Variants in AKAP6 observed in about 807,000 individuals in gnomAD.
AKAP6 encodes the protein A-kinase anchoring protein 6, also known as A-kinase anchor protein 6.
Under a neutral mutation model 188.5 loss-of-function variants are expected in AKAP6, and 58 were observed. The observed-to-expected ratio is 0.31, with a 90% confidence interval of 0.25 to 0.38. AKAP6 has a LOEUF of 0.38. Ranked by LOEUF, AKAP6 falls within the 10% of genes least tolerant of loss-of-function variation. The pLI, the probability that AKAP6 is intolerant of heterozygous loss-of-function variation, is 1.00. For synonymous variants in AKAP6, 989 were observed against 998.6 expected, an observed-to-expected ratio of 0.99 and a Z score of 0.18; for missense variants, 2,710 against 2,740.0, an observed-to-expected ratio of 0.99 and a Z score of 0.24.
At chr14:32,594,574 A>G (rs138649602) in intron 5 of AKAP6, among the ~76,000 whole-genome samples, 556 of 152,266 alleles carry the variant, frequency 3.7e-3, no homozygotes, top group African/African-American at 0.012. Context: ...CATTGTGGAG[A>G]GGAGAAGAGA....
intron 6 of AKAP6, among the ~76,000 whole-genome samples, chr14:32,600,363 T>A (rs560006537): frequency 6.6e-6 from 1 of 152,310 alleles, no homozygotes; most frequent in East Asian, 1.9e-4. Flanking sequence ...TTGTTCCTCA[T>A]GTATTTTTTT....
chr14:32,798,357 A>C (rs2140079203), intron 12 of AKAP6, among the ~76,000 whole-genome samples: 1 of 152,250 alleles, frequency 6.6e-6, no homozygotes, highest in Admixed American at 6.5e-5. Flanking sequence ...AGAACTTAAA[A>C]CCATTTGACC....
At chr14:32,661,505 CAG>C (rs1444444497) in intron 7 of AKAP6, among the ~76,000 whole-genome samples, 1 of 152,068 alleles carries the variant, frequency 6.6e-6, no homozygotes, top group Non-Finnish European at 1.5e-5. Context: ...GCAGTGGGAG[CAG>C]AGAGTTTCGA....
At chr14:32,742,089 G>C (rs1387044612) in intron 11 of AKAP6, among the ~76,000 whole-genome samples, 2 of 151,568 alleles carry the variant, frequency 1.3e-5, no homozygotes, top group Non-Finnish European at 2.9e-5. Flanking sequence ...ATTTCTTCCT[G>C]GTTCAATCTT....
At chr14:32,773,956 C>G (rs529375873) in intron 12 of AKAP6, 63 bp downstream of exon 12, 6 of 1,525,578 alleles carry the variant, frequency 3.9e-6, no homozygotes, top group Non-Finnish European at 5.4e-6. Context: ...ATAATTCTTT[C>G]AGGCTTGGAA....
At chr14:32,415,143 A>T (rs144601949) in intron 1 of AKAP6, among the ~76,000 whole-genome samples, 187 of 152,288 alleles carry the variant, frequency 1.2e-3, no homozygotes, top group African/African-American at 4.4e-3. Context: ...ATTCTTTGGG[A>T]GATATTGCAT....
At chr14:32,537,325 C>T (rs561251413) in intron 3 of AKAP6, among the ~76,000 whole-genome samples, 92 of 152,196 alleles carry the variant, frequency 6.0e-4, no homozygotes, top group African/African-American at 2.2e-3. Flanking sequence ...ATGTGAGTTG[C>T]GTGTTAGTTC....
At chr14:32,692,168 T>C (rs1890209424) in intron 8 of AKAP6, among the ~76,000 whole-genome samples, 1 of 152,142 alleles carries the variant, frequency 6.6e-6, no homozygotes, top group Admixed American at 6.5e-5. Flanking sequence ...GTATCTGTAT[T>C]AGGTTCATTT....
At chr14:32,810,857 C>T (rs1197008792) in intron 12 of AKAP6, among the ~76,000 whole-genome samples, 4 of 151,992 alleles carry the variant, frequency 2.6e-5, no homozygotes, top group Non-Finnish European at 5.9e-5. Flanking sequence ...CATAGCTGAC[C>T]CACCTATTAA....
intron 1 of AKAP6, among the ~76,000 whole-genome samples, chr14:32,368,879 G>GA (rs932722813): frequency 3.5e-5 from 5 of 142,126 alleles, no homozygotes; most frequent in African/African-American, 1.1e-4. Flanking sequence ...TTAAGAAGAA[G>GA]AAAAAAAAAA....
At chr14:32,647,373 T>C (rs1888027271) in intron 7 of AKAP6, among the ~76,000 whole-genome samples, 1 of 152,094 alleles carries the variant, frequency 6.6e-6, no homozygotes, top group Non-Finnish European at 1.5e-5. Context: ...TTCCATTTGG[T>C]AGATGAGAAA....
chr14:32,689,145 A>G (rs1159072841), intron 8 of AKAP6, among the ~76,000 whole-genome samples: 1 of 152,164 alleles, frequency 6.6e-6, no homozygotes, highest in Non-Finnish European at 1.5e-5. Context: ...AAAATTCTTC[A>G]GAATGTTTTC....
chr14:32,658,357 A>G (rs1888540261), intron 7 of AKAP6, among the ~76,000 whole-genome samples: 1 of 152,138 alleles, frequency 6.6e-6, no homozygotes. Context: ...GTTTTCACTC[A>G]TATTGTACAT....
At chr14:32,737,752 T>C (rs2139849796) in intron 11 of AKAP6, among the ~76,000 whole-genome samples, 1 of 152,236 alleles carries the variant, frequency 6.6e-6, no homozygotes, top group Admixed American at 6.5e-5. Context: ...GTCCTTTATA[T>C]GACACTAAGA....
intron 1 of AKAP6, chr14:32,403,272 T>G (rs967589695): frequency 3.9e-5 from 6 of 152,222 alleles, no homozygotes; most frequent in African/African-American, 1.4e-4. Context: ...ATTCATTTTC[T>G]TTTCTTCTTG....
intron 11 of AKAP6, among the ~76,000 whole-genome samples, chr14:32,751,846 A>G (rs915270814): frequency 6.6e-6 from 1 of 152,134 alleles, no homozygotes; most frequent in Admixed American, 6.5e-5. Flanking sequence ...CTGATCTTAA[A>G]TTGTTCTGTC....
intron 5 of AKAP6, 38 bp from the exon 6 acceptor site, chr14:32,599,372 G>T (rs1430738435): frequency 1.3e-6 from 2 of 1,555,366 alleles, no homozygotes; most frequent in African/African-American, 2.7e-5. Flanking sequence ...ATGTGTAACT[G>T]CCTTGCCAGG....
At chr14:32,492,100 C>T (rs776462600) in intron 2 of AKAP6, among the ~76,000 whole-genome samples, 4 of 151,820 alleles carry the variant, frequency 2.6e-5, no homozygotes, top group East Asian at 1.9e-4. Context: ...ATTCTCAGCC[C>T]CCTCAACAAA....
intron 7 of AKAP6, among the ~76,000 whole-genome samples, chr14:32,677,553 G>A (rs1679695048): frequency 6.6e-6 from 1 of 152,060 alleles, no homozygotes; most frequent in Non-Finnish European, 1.5e-5. Context: ...TATCATTCTC[G>A]GTCTCATCTG....
Sources: allele counts gnomAD v4.1 joint callset (sites outside exome capture counted in the v4.1 genomes callset), GRCh38; gene constraint gnomAD v4.1.1; transcripts MANE v1.5; gene names NCBI Gene and HGNC (gene_info 2026-07-23, HGNC 2026-07-21).